Variants in PMF1 observed in about 807,000 individuals in gnomAD.
PMF1 encodes polyamine modulated factor 1.
A neutral mutation model predicts 26.7 loss-of-function variants in PMF1; 21 were observed. The observed-to-expected ratio is 0.79, with a 90% CI of 0.56 to 1.13. The LOEUF is 1.13. PMF1 is among the 50% of genes most tolerant of loss of function. The pLI, the probability that PMF1 is intolerant of heterozygous loss-of-function variation, is 0.00. For synonymous variants in PMF1, 105 were observed against 101.0 expected (o/e 1.04, Z -0.24); for missense variants, 266 against 254.9 (o/e 1.04, Z -0.30).
chr1:156,225,552 C>T, intron 1 of PMF1: 1 of 1,516,192 alleles, frequency 6.6e-7, no homozygotes, highest in Non-Finnish European at 8.9e-7. Flanking sequence ...TTGTTTTGTT[C>T]TCAGCTCTCC....
chr1:156,215,899 G>C (rs555669836), intron 1 of PMF1, among the ~76,000 whole-genome samples: 5 of 152,248 alleles, frequency 3.3e-5, no homozygotes, highest in African/African-American at 1.2e-4. Flanking sequence ...ATGTTGGCCA[G>C]GCTGGTGTTG....
rs533467851 is a variant in PMF1 at position 156,228,130 on chromosome 1, T to C, written c.162-4190T>C. Among the ~76,000 whole-genome samples, 4 of 151,796 alleles carry C rather than the reference T, an allele frequency of 2.6e-5. No individual in the cohort carries two copies. The South Asian group carries it at 8.4e-4, about 32-fold the overall frequency. ...TTGTATTTTTAGTAAAGATAGGGTTTCATCATGTTAGTCAGGCTGGTCTTG... is the reference window on the plus strand; with the variant it reads ...TTGTATTTTTAGTAAAGATAGGGTTCCATCATGTTAGTCAGGCTGGTCTTG... On this transcript the variant is annotated intron_variant, in intron 1 of 4. Transcript: ENST00000368277.
chr1:156,213,285 G>C (rs887331163), intron 1 of PMF1, 109 bp downstream of exon 1: 1 of 1,497,362 alleles, frequency 6.7e-7, no homozygotes, highest in Non-Finnish European at 9.0e-7. Flanking sequence ...CCGCGTTGGG[G>C]GCGGGGCAGT....
chr1:156,234,654 C>T (rs1202976168), intron 3 of PMF1, among the ~76,000 whole-genome samples: 1 of 151,658 alleles, frequency 6.6e-6, no homozygotes, highest in Admixed American at 6.6e-5. Context: ...AATTACAGGC[C>T]CCCACTACCA....
chr1:156,216,860 G>A (rs1275077476), intron 1 of PMF1, among the ~76,000 whole-genome samples: 2 of 152,100 alleles, frequency 1.3e-5, no homozygotes, highest in African/African-American at 2.4e-5. Flanking sequence ...GCTCCCGGGG[G>A]GCTCTAATGT....
intron 1 of PMF1, among the ~76,000 whole-genome samples, chr1:156,228,354 A>G (rs1658506883): frequency 6.8e-6 from 1 of 146,516 alleles, no homozygotes; most frequent in Non-Finnish European, 1.5e-5. Context: ...CATTCAAAAC[A>G]TTCCCAATTC....
chr1:156,219,776 G>T (rs1657977620), intron 1 of PMF1, among the ~76,000 whole-genome samples: 3 of 151,546 alleles, frequency 2.0e-5, no homozygotes, highest in Admixed American at 2.0e-4. Context: ...TTGAGACAGG[G>T]TCATGCTCTG....
intron 1 of PMF1, chr1:156,223,765 T>G (rs1348585152): frequency 6.6e-6 from 1 of 152,398 alleles, no homozygotes; most frequent in Non-Finnish European, 1.5e-5. Context: ...CAGCTCCTGC[T>G]TCTCTCTCTG....
rs1659246966 is a variant in PMF1 at position 156,239,851 on chromosome 1, T to G, written c.*250T>G. On this transcript the variant is annotated 3_prime_UTR_variant, in exon 5 of 5. Transcript: ENST00000368277. Reference sequence around the variant, plus strand: ...TCTACCTGGATAATTCTTGGCCATGTTCTCTCTTCTCTAGGTTCAGGTCAG... The same window carrying G: ...TCTACCTGGATAATTCTTGGCCATGGTCTCTCTTCTCTAGGTTCAGGTCAG... The G allele has an allele frequency of 1.7e-5, 8 of 478,234 alleles. No individual in the cohort carries two copies. The South Asian group carries it at 2.2e-4, about 13-fold the overall frequency. 29.6% of individuals were successfully genotyped at this position (478,234 alleles called of 1,614,324 possible). A position where few individuals can be genotyped will look rare whatever the true frequency, so the allele number is the denominator to read the frequency against.
intron 1 of PMF1, among the ~76,000 whole-genome samples, chr1:156,221,989 C>T (rs977880422): frequency 4.6e-5 from 7 of 152,182 alleles, no homozygotes; most frequent in Admixed American, 1.3e-4. Context: ...CCAAACTGGC[C>T]CTCCAGCCTC....
At chr1:156,216,990 A>G (rs1270303329) in intron 1 of PMF1, among the ~76,000 whole-genome samples, 1 of 151,772 alleles carries the variant, frequency 6.6e-6, no homozygotes, top group Non-Finnish European at 1.5e-5. Context: ...AGAACAAAAA[A>G]CCAAACACCG....
intron 3 of PMF1, among the ~76,000 whole-genome samples, chr1:156,234,610 G>C (rs1658901700): frequency 6.6e-6 from 1 of 151,858 alleles, no homozygotes; most frequent in Non-Finnish European, 1.5e-5. Context: ...CTGAGTTCAA[G>C]CAATTCTCCT....
intron 1 of PMF1, among the ~76,000 whole-genome samples, chr1:156,226,795 A>G (rs576496694): frequency 2.0e-5 from 3 of 152,344 alleles, no homozygotes; most frequent in Non-Finnish European, 4.4e-5. Flanking sequence ...TAGGATTTGA[A>G]TCCAGGGAAA....
chr1:156,231,401 CAAAAA>C (rs1658699432), intron 1 of PMF1, among the ~76,000 whole-genome samples: 1 of 148,864 alleles, frequency 6.7e-6, no homozygotes, highest in Non-Finnish European at 1.5e-5. Context: ...GATCCTGTCT[CAAAAA>C]GAAAAGTAGA....
chr1:156,238,499 T>G (rs189144632), intron 4 of PMF1, among the ~76,000 whole-genome samples: 28 of 152,324 alleles, frequency 1.8e-4, no homozygotes, highest in Non-Finnish European at 3.5e-4. Flanking sequence ...GGGCTCAAAG[T>G]GCATTTCCAA....
At chr1:156,227,649 A>G (rs1287661814) in intron 1 of PMF1, among the ~76,000 whole-genome samples, 1 of 149,752 alleles carries the variant, frequency 6.7e-6, no homozygotes, top group Non-Finnish European at 1.5e-5. Flanking sequence ...GGTGCCTACT[A>G]CCATGCCTGG....
chr1:156,239,040 GCTTCCAAATTGGCTAGATA>G (rs1659204655), intron 4 of PMF1, among the ~76,000 whole-genome samples: 1 of 152,070 alleles, frequency 6.6e-6, no homozygotes, highest in African/African-American at 2.4e-5. Context: ...CTGGGTCCTG[GCTTCCAAATTGGCTAGATA>G]ATGATCCCAG....
intron 1 of PMF1, among the ~76,000 whole-genome samples, chr1:156,216,799 G>C (rs989423646): frequency 6.6e-6 from 1 of 152,054 alleles, no homozygotes; most frequent in Admixed American, 6.5e-5. Flanking sequence ...CTTCCCCGGA[G>C]TGGGGAGTTG....
rs148535301 is a variant in PMF1 at position 156,217,385 on chromosome 1, T to C, written c.161+4209T>C. 1.5e-4 allele frequency among the ~76,000 whole-genome samples: 23 copies of C among 152,240 alleles called. 1 individual carries two copies. The East Asian group carries it at 3.9e-3, about 26-fold the overall frequency. On this transcript the variant is annotated intron_variant, in intron 1 of 4. Coordinates refer to ENST00000368277, the MANE Select transcript of PMF1 (RefSeq NM_007221.4). ...ATGTTTTAAATTTATATGAATGATATTGTGCTACATATGCCATTTTTTACT... is the reference window on the plus strand; with the variant it reads ...ATGTTTTAAATTTATATGAATGATACTGTGCTACATATGCCATTTTTTACT...
Sources: allele counts gnomAD v4.1 joint callset (sites outside exome capture counted in the v4.1 genomes callset), GRCh38; gene constraint gnomAD v4.1.1; transcripts MANE v1.5; gene names NCBI Gene and HGNC (gene_info 2026-07-23, HGNC 2026-07-21).